The following PCCA variants were observed in gnomAD, a reference collection of about 807,000 sequenced individuals.
PCCA encodes propionyl-CoA carboxylase subunit alpha, also known as propionyl-CoA carboxylase alpha chain, mitochondrial.
PCCA carries 74 observed loss-of-function variants against 101.3 expected under a neutral mutation model. The observed-to-expected ratio is 0.73, with a 90% CI of 0.61 to 0.89. The LOEUF is 0.89. Among genes scored for constraint, PCCA ranks in the 40% least tolerant of loss-of-function variants. The pLI is 0.00. For synonymous variants in PCCA, 294 were observed against 313.6 expected, an observed-to-expected ratio of 0.94 and a Z score of 0.66; for missense variants, 891 against 907.0, an observed-to-expected ratio of 0.98 and a Z score of 0.23.
intron 19 of PCCA, among the ~76,000 whole-genome samples, chr13:100,402,733 T>G (rs1201424864): frequency 6.6e-6 from 1 of 152,028 alleles, no homozygotes; most frequent in Non-Finnish European, 1.5e-5. Context: ...GTGGGTGGTA[T>G]TGGTAGGGGC....
chr13:100,434,082 C>T (rs1031910705), intron 20 of PCCA, among the ~76,000 whole-genome samples: 2 of 152,174 alleles, frequency 1.3e-5, no homozygotes, highest in African/African-American at 4.8e-5. Context: ...ACTATTTCTT[C>T]CTCCCAGGTA....
chr13:100,472,242 C>T (rs1013452557), intron 21 of PCCA, among the ~76,000 whole-genome samples: 22 of 152,034 alleles, frequency 1.4e-4, no homozygotes, highest in Non-Finnish European at 7.4e-5. Context: ...ACTTTTCCAC[C>T]GCAAGCATGT....
chr13:100,273,178 AT>A lies in PCCA; in HGVS notation c.915-11del. On this transcript the variant is annotated splice_polypyrimidine_tract_variant and intron_variant, in intron 11 of 23. Transcript: ENST00000376285. Reference sequence around the variant, plus strand: ...ATTTTTGTCCGAAATGTAGACAAACATTTTTTTGTATATGTAGCATTTTTTT... The same window carrying A: ...ATTTTTGTCCGAAATGTAGACAAACATTTTTTGTATATGTAGCATTTTTTT... The A allele has an allele frequency of 1.2e-6, 2 of 1,606,430 alleles. No individual in the cohort carries two copies. Among genetic ancestry groups the A allele is most frequent in the Non-Finnish European group, 1.7e-6 (2 of 1,173,126 alleles).
intron 6 of PCCA, among the ~76,000 whole-genome samples, chr13:100,200,541 A>T (rs180888903): frequency 6.6e-5 from 10 of 151,772 alleles, no homozygotes; most frequent in Non-Finnish European, 4.4e-5. Flanking sequence ...GCAGGCTAGG[A>T]AAAAAAATAT....
chr13:100,243,696 A>G (rs541568568), intron 8 of PCCA, among the ~76,000 whole-genome samples: 30 of 152,268 alleles, frequency 2.0e-4, no homozygotes, highest in East Asian at 1.7e-3. Flanking sequence ...TGTTCCCATG[A>G]CATCTTATGT....
chr13:100,396,104 T>C (rs1202508412), intron 19 of PCCA, among the ~76,000 whole-genome samples: 1 of 152,196 alleles, frequency 6.6e-6, no homozygotes, highest in Non-Finnish European at 1.5e-5. Flanking sequence ...TCTCTGAAGA[T>C]AGAGAAACCT....
At chr13:100,225,405 A>G (rs999908560) in intron 7 of PCCA, among the ~76,000 whole-genome samples, 5 of 152,266 alleles carry the variant, frequency 3.3e-5, no homozygotes, top group African/African-American at 9.6e-5. Flanking sequence ...TTTACACCAC[A>G]GAACAGAGTA....
intron 2 of PCCA, among the ~76,000 whole-genome samples, chr13:100,110,872 A>G (rs2152275847): frequency 6.6e-6 from 1 of 152,186 alleles, no homozygotes; most frequent in Non-Finnish European, 1.5e-5. Flanking sequence ...CAGTGGCACG[A>G]TTTTAGCTCA....
intron 12 of PCCA, among the ~76,000 whole-genome samples, chr13:100,289,104 A>T (rs570517337): frequency 2.1e-4 from 32 of 152,212 alleles, no homozygotes; most frequent in Admixed American, 3.3e-4. Flanking sequence ...AAATATTTAT[A>T]TACAGTATAA....
chr13:100,329,580 T>G (rs1486707611), intron 16 of PCCA, among the ~76,000 whole-genome samples: 1 of 151,448 alleles, frequency 6.6e-6, no homozygotes, highest in African/African-American at 2.4e-5. Flanking sequence ...AAAAGCTCCA[T>G]GAGTGGGTGC....
intron 4 of PCCA, among the ~76,000 whole-genome samples, chr13:100,122,191 C>G (rs1260015650): frequency 6.6e-6 from 1 of 152,094 alleles, no homozygotes; most frequent in African/African-American, 2.4e-5. Flanking sequence ...CCTTGAATTC[C>G]TGAGATTAAT....
At chr13:100,272,547 A>G (rs2063371491) in intron 11 of PCCA, among the ~76,000 whole-genome samples, 2 of 152,216 alleles carry the variant, frequency 1.3e-5, no homozygotes, top group South Asian at 4.2e-4. Flanking sequence ...TTGATGGGCC[A>G]TTTCACACCA....
intron 20 of PCCA, among the ~76,000 whole-genome samples, chr13:100,443,685 T>G (rs919592391): frequency 6.6e-6 from 1 of 151,672 alleles, no homozygotes; most frequent in Non-Finnish European, 1.5e-5. Context: ...GGACCAAGAT[T>G]AAAGTTTTTT....
At chr13:100,357,769 T>C (rs141504991) in intron 18 of PCCA, among the ~76,000 whole-genome samples, 13 of 152,356 alleles carry the variant, frequency 8.5e-5, no homozygotes, top group African/African-American at 3.1e-4. Context: ...AAGGCATGGC[T>C]GTAACTCAGT....
chr13:100,142,474 T>C (rs1029949844), intron 4 of PCCA, among the ~76,000 whole-genome samples: 4 of 148,136 alleles, frequency 2.7e-5, no homozygotes, highest in Non-Finnish European at 5.9e-5. Context: ...AAATGAGCCT[T>C]CTTTTTTTTT....
intron 4 of PCCA, among the ~76,000 whole-genome samples, chr13:100,153,495 G>A (rs2053576818): frequency 6.6e-6 from 1 of 152,152 alleles, no homozygotes; most frequent in Admixed American, 6.6e-5. Context: ...AGACTTAAAT[G>A]TATTCTTTTT....
chr13:100,332,553 T>G, intron 17 of PCCA, among the ~76,000 whole-genome samples: 1 of 152,196 alleles, frequency 6.6e-6, no homozygotes, highest in East Asian at 1.9e-4. Context: ...TAAGTTTGTC[T>G]ATATGTATGT....
intron 7 of PCCA, among the ~76,000 whole-genome samples, chr13:100,217,617 C>G (rs2059590635): frequency 2.0e-5 from 3 of 150,894 alleles, no homozygotes. Flanking sequence ...TATGAATATG[C>G]TTCTTAAAAA....
At position 100,150,598 on chromosome 13, in the gene PCCA, C is replaced by T. The variant is rs183848283; in HGVS notation, c.301-4381C>T. The T allele has an allele frequency of 3.4e-5, 41 of 1,191,218 alleles. No homozygotes were observed. In the African/African-American group the frequency reaches 5.5e-4, roughly 16 times the overall value. 73.8% of individuals were successfully genotyped at this position (1,191,218 alleles called of 1,614,324 possible). Reference sequence around the variant, plus strand: ...CAAGGGCCAGGGCTCTTTTGGCCTGCAGATGTCAGCCCACACATCTCCCTG... The same window carrying T: ...CAAGGGCCAGGGCTCTTTTGGCCTGTAGATGTCAGCCCACACATCTCCCTG... On this transcript the variant is annotated intron_variant, in intron 4 of 23. Coordinates refer to ENST00000376285, the MANE Select transcript of PCCA (RefSeq NM_000282.4).
Sources: allele counts gnomAD v4.1 joint callset (sites outside exome capture counted in the v4.1 genomes callset), GRCh38; gene constraint gnomAD v4.1.1; transcripts MANE v1.5; gene names NCBI Gene and HGNC (gene_info 2026-07-23, HGNC 2026-07-21).